RXFP1: variants seen among roughly 807,000 people sequenced by gnomAD.
RXFP1 encodes relaxin family peptide receptor 1.
Under a neutral mutation model 89.8 loss-of-function variants are expected in RXFP1, and 73 were observed. The observed-to-expected ratio is 0.81, with a 90% confidence interval of 0.67 to 0.99. The LOEUF is 0.99. Ranked by LOEUF, RXFP1 falls within the 50% of genes least tolerant of loss-of-function variation. The pLI is 0.00. For synonymous variants in RXFP1, 277 were observed against 305.5 expected (o/e 0.91, Z 0.97); for missense variants, 793 against 895.5 (o/e 0.89, Z 1.46).
chr4:158,539,223 T>C (rs1416334605), intron 1 of RXFP1, among the ~76,000 whole-genome samples: 1 of 151,912 alleles, frequency 6.6e-6, no homozygotes, highest in Non-Finnish European at 1.5e-5. Context: ...CAGCAAACTA[T>C]CGCAAGGACA....
intron 2 of RXFP1, among the ~76,000 whole-genome samples, chr4:158,592,150 T>C (rs1691530428): frequency 6.6e-6 from 1 of 152,018 alleles, no homozygotes; most frequent in Admixed American, 6.6e-5. Flanking sequence ...GGGTTTAAAA[T>C]AGAAATAAGA....
At chr4:158,546,776 G>C (rs1486711264) in intron 1 of RXFP1, among the ~76,000 whole-genome samples, 2 of 152,184 alleles carry the variant, frequency 1.3e-5, no homozygotes, top group Non-Finnish European at 2.9e-5. Context: ...TGTTGAACCA[G>C]CCTTGCATCC....
chr4:158,542,141 C>T (rs534952409), intron 1 of RXFP1, among the ~76,000 whole-genome samples: 10 of 104,950 alleles, frequency 9.5e-5, no homozygotes, highest in African/African-American at 3.4e-4. Flanking sequence ...GGTTTCACCA[C>T]ATTGACCAGG....
At chr4:158,595,290 A>G (rs1481848649) in intron 3 of RXFP1, among the ~76,000 whole-genome samples, 1 of 152,240 alleles carries the variant, frequency 6.6e-6, no homozygotes, top group Non-Finnish European at 1.5e-5. Context: ...ATGAATGAGC[A>G]ATCAATGGCT....
intron 1 of RXFP1, among the ~76,000 whole-genome samples, chr4:158,545,583 G>A (rs533749177): frequency 2.6e-4 from 39 of 152,304 alleles, no homozygotes; most frequent in African/African-American, 8.9e-4. Flanking sequence ...ATGGTTTTAG[G>A]TCTAACATGT....
chr4:158,539,249 C>T (rs60774460), intron 1 of RXFP1, among the ~76,000 whole-genome samples: 6,289 of 152,180 alleles, frequency 0.041, 415 homozygotes, highest in African/African-American at 0.14. Flanking sequence ...CCAAACACCA[C>T]GTGTTCTCAC....
chr4:158,636,671 G>A (rs1769230376), intron 12 of RXFP1, among the ~76,000 whole-genome samples: 1 of 152,184 alleles, frequency 6.6e-6, no homozygotes, highest in Admixed American at 6.5e-5. Context: ...ACAACATGAT[G>A]TTTTGAAATA....
At chr4:158,544,579 C>T (rs1747725414) in intron 1 of RXFP1, among the ~76,000 whole-genome samples, 2 of 152,018 alleles carry the variant, frequency 1.3e-5, no homozygotes, top group Non-Finnish European at 2.9e-5. Context: ...GGTATATACC[C>T]TAATGCTATC....
intron 2 of RXFP1, among the ~76,000 whole-genome samples, chr4:158,590,062 T>G (rs529584733): frequency 6.6e-6 from 1 of 152,142 alleles, no homozygotes; most frequent in Non-Finnish European, 1.5e-5. Context: ...AAAAAAAAAT[T>G]TTTTTAATGA....
At chr4:158,550,291 C>G (rs1326503578) in intron 1 of RXFP1, among the ~76,000 whole-genome samples, 1 of 152,214 alleles carries the variant, frequency 6.6e-6, no homozygotes, top group Non-Finnish European at 1.5e-5. Context: ...ATTTTTTAAG[C>G]CCGTTGGAAA....
intron 1 of RXFP1, among the ~76,000 whole-genome samples, chr4:158,546,017 T>C (rs1222410676): frequency 2.6e-5 from 4 of 152,208 alleles, no homozygotes; most frequent in South Asian, 4.1e-4. Context: ...GGGGATGGGA[T>C]TGAATCTATA....
intron 4 of RXFP1, among the ~76,000 whole-genome samples, chr4:158,602,683 T>G (rs1761906830): frequency 6.6e-6 from 1 of 152,184 alleles, no homozygotes; most frequent in South Asian, 2.1e-4. Flanking sequence ...ATAAACTTCT[T>G]AAAGGCAGGT....
At chr4:158,618,891 G>A (rs1391600661) in intron 9 of RXFP1, among the ~76,000 whole-genome samples, 3 of 152,070 alleles carry the variant, frequency 2.0e-5, no homozygotes, top group Admixed American at 6.5e-5. Flanking sequence ...CAAGCATAAG[G>A]ACAGATATGG....
intron 1 of RXFP1, among the ~76,000 whole-genome samples, chr4:158,530,019 A>C (rs1743628581): frequency 6.6e-6 from 1 of 152,268 alleles, no homozygotes; most frequent in South Asian, 2.1e-4. Context: ...AGTGTTGTGT[A>C]AATTAGTTCC....
At position 158,651,864 on chromosome 4, in the gene RXFP1, T is replaced by C; in HGVS notation, c.2083T>C (p.Phe695Leu). ...ACCATTTAAAGAAATGATTCATCGG[T>C]TTTGGTATAACTACAGACAAAGAAA... ...TRPFKEMIHRFWYNYRQRKSM... is the reference protein window; with the variant it reads ...TRPFKEMIHRLWYNYRQRKSM... Residue 695 changes from phenylalanine (F) to leucine (L), a missense_variant, in exon 18 of 18, where the codon TTT becomes CTT. By Grantham distance (22) the Phe-to-Leu change is conservative (BLOSUM62 0). Transcript: ENST00000307765. 6.2e-7 allele frequency: 1 copy of C among 1,614,134 alleles called. No homozygotes were observed.
chr4:158,638,215 G>A lies in RXFP1; in HGVS notation c.1043+136G>A, dbSNP rs190584189. Reference sequence around the variant, plus strand: ...AGTTTAGCTCCACAAAAACATATGGGTGCTTGCTGAACTATAAACAGACAA... The same window carrying A: ...AGTTTAGCTCCACAAAAACATATGGATGCTTGCTGAACTATAAACAGACAA... On this transcript the variant is annotated intron_variant, in intron 13 of 17. Coordinates refer to ENST00000307765, the MANE Select transcript of RXFP1 (RefSeq NM_021634.4). The A allele has an allele frequency of 1.6e-5, 9 of 545,722 alleles. No individual in the cohort carries two copies. The East Asian group carries it at 2.5e-4, about 15-fold the overall frequency. The allele number at this position is 545,722 out of a possible 1,614,324, so 33.8% of individuals were successfully genotyped here.
chr4:158,652,014 T>C lies in RXFP1; in HGVS notation c.2233T>C (p.Ser745Pro), dbSNP rs1772843285. 6.2e-7 allele frequency: 1 copy of C among 1,613,338 alleles called. No homozygotes were observed. The highest frequency in any genetic ancestry group is 8.5e-7 in the Non-Finnish European group (1 of 1,179,552). Residue 745 changes from serine to proline, a missense_variant, in exon 18 of 18, where the codon TCA becomes CCA. Coordinates refer to ENST00000307765, the MANE Select transcript of RXFP1 (RefSeq NM_021634.4). ...PDLFTYPCEM[S>P]LISQSTRLNS... ...CCTTTTCACATACCCCTGTGAAATG[T>C]CACTGATTTCTCAATCAACGAGACT...
intron 11 of RXFP1, among the ~76,000 whole-genome samples, 178 bp from the exon 12 acceptor site, chr4:158,633,227 A>G (rs571881772): frequency 1.3e-5 from 2 of 152,214 alleles, no homozygotes; most frequent in Non-Finnish European, 2.9e-5. Flanking sequence ...ATGAAATGGA[A>G]TAAAATATTT....
At chr4:158,610,137 C>G (rs566881970) in intron 6 of RXFP1, among the ~76,000 whole-genome samples, 1 of 152,050 alleles carries the variant, frequency 6.6e-6, no homozygotes, top group Non-Finnish European at 1.5e-5. Context: ...TGGTGGCACA[C>G]GCCTGTAGTC....
Sources: allele counts gnomAD v4.1 joint callset (sites outside exome capture counted in the v4.1 genomes callset), GRCh38; gene constraint gnomAD v4.1.1; transcripts MANE v1.5; gene names NCBI Gene and HGNC (gene_info 2026-07-23, HGNC 2026-07-21).